The following RFX4 variants were observed in gnomAD, a reference collection of about 807,000 sequenced individuals.
RFX4 encodes regulatory factor X4.
In RFX4, 10 loss-of-function variants were observed where a neutral mutation model predicts 95.0. That is an observed-to-expected ratio of 0.11 (90% CI 0.06 to 0.18). RFX4 has a LOEUF of 0.18. Among genes scored for constraint, RFX4 ranks in the 10% least tolerant of loss-of-function variants. The pLI is 1.00. For synonymous variants in RFX4, 321 were observed against 340.7 expected (o/e 0.94, Z 0.64); for missense variants, 640 against 922.0 (o/e 0.69, Z 3.96).
At chr12:106,633,462 C>T (rs1257770788) in intron 2 of RFX4, among the ~76,000 whole-genome samples, 1 of 152,158 alleles carries the variant, frequency 6.6e-6, no homozygotes, top group East Asian at 1.9e-4. Flanking sequence ...ATGTGTAGTG[C>T]CTGGCTTAAG....
chr12:106,585,195 G>A (rs1193821165), intron 1 of RFX4, among the ~76,000 whole-genome samples: 1 of 152,216 alleles, frequency 6.6e-6, no homozygotes, highest in African/African-American at 2.4e-5. Flanking sequence ...CCTGCTGGGG[G>A]GCTTTTAGCT....
Position 106,686,998 on chromosome 12 carries a change from G to C in RFX4, c.492G>C (p.Gln164His), listed in dbSNP as rs1365153295. The stretch of plus-strand genomic sequence containing the variant: ...CGGGCAAGAAAGAAGTGAGCAAACA[G>C]ACAGTGGCATATTCACCCCGGTCCA... ...SETGKKEVSK[Q>H]TVAYSPRSKL... The change falls in exon 6 of 18, where the codon CAG (glutamine) becomes CAC (histidine). Residue 164 changes from glutamine (Q) to histidine (H), a missense_variant. Physicochemically the swap from Gln to His is conservative, Grantham distance 24. Coordinates refer to ENST00000392842, the MANE Select transcript of RFX4 (RefSeq NM_213594.3). The C allele has an allele frequency of 6.2e-7, 1 of 1,614,074 alleles. No homozygotes were observed. The highest frequency in any genetic ancestry group is 8.5e-7 in the Non-Finnish European group (1 of 1,180,006).
At chr12:106,654,474 T>C in intron 4 of RFX4, 123 bp downstream of exon 4, 4 of 1,143,952 alleles carry the variant, frequency 3.5e-6, no homozygotes, top group Non-Finnish European at 4.7e-6. Context: ...CTTTGGTACT[T>C]TGACAACTTC....
At chr12:106,652,800 G>T (rs1592899375) in intron 3 of RFX4, among the ~76,000 whole-genome samples, 1 of 152,258 alleles carries the variant, frequency 6.6e-6, no homozygotes, top group Middle Eastern at 3.4e-3. Context: ...TGGGCACCTT[G>T]GGGGGCCGTG....
chr12:106,696,163 G>T, intron 7 of RFX4, 120 bp from the exon 8 acceptor site: 1 of 1,193,772 alleles, frequency 8.4e-7, no homozygotes, highest in Non-Finnish European at 1.2e-6. Flanking sequence ...GGTGACTTCT[G>T]CTGCCGCAGG....
intron 2 of RFX4, among the ~76,000 whole-genome samples, chr12:106,620,278 C>T (rs991181268): frequency 1.8e-4 from 28 of 152,070 alleles, no homozygotes; most frequent in African/African-American, 5.1e-4. Context: ...AATATTTCAA[C>T]GTAGGTTCTA....
intron 8 of RFX4, among the ~76,000 whole-genome samples, chr12:106,704,058 A>C (rs10861650): frequency 0.38 from 45,862 of 121,636 alleles, 8,239 homozygotes; most frequent in African/African-American, 0.45. Context: ...ATAGCAAGAC[A>C]CTGTCTCAAA....
At chr12:106,662,348 C>T (rs1425343019) in intron 4 of RFX4, 2 of 163,014 alleles carry the variant, frequency 1.2e-5, no homozygotes, top group Non-Finnish European at 2.7e-5. Flanking sequence ...TATTTGCCAT[C>T]TGTATATCTC....
chr12:106,633,563 T>C (rs2040457676), intron 2 of RFX4, among the ~76,000 whole-genome samples: 1 of 152,172 alleles, frequency 6.6e-6, no homozygotes, highest in African/African-American at 2.4e-5. Flanking sequence ...AAAACATCCT[T>C]GTGACAGAAG....
At chr12:106,748,875 A>C (rs911680860) in intron 16 of RFX4, among the ~76,000 whole-genome samples, 2 of 152,138 alleles carry the variant, frequency 1.3e-5, no homozygotes, top group African/African-American at 4.8e-5. Flanking sequence ...TCACGAGGTC[A>C]GGAGATCGAA....
chr12:106,677,028 C>T (rs181230857), intron 4 of RFX4, among the ~76,000 whole-genome samples: 1 of 152,242 alleles, frequency 6.6e-6, no homozygotes, highest in African/African-American at 2.4e-5. Flanking sequence ...CTCTCTAAAC[C>T]TCACTTTACT....
intron 2 of RFX4, among the ~76,000 whole-genome samples, chr12:106,614,301 C>T (rs1245442604): frequency 6.6e-6 from 1 of 151,974 alleles, no homozygotes; most frequent in African/African-American, 2.4e-5. Flanking sequence ...GCTGGGACTA[C>T]AGGCACATGC....
At chr12:106,643,078 G>A (rs1251932393) in intron 3 of RFX4, among the ~76,000 whole-genome samples, 1 of 152,182 alleles carries the variant, frequency 6.6e-6, no homozygotes, top group Non-Finnish European at 1.5e-5. Flanking sequence ...TCAAAGCAAC[G>A]GATCCAGACC....
chr12:106,645,379 C>T (rs551066235), intron 3 of RFX4, among the ~76,000 whole-genome samples: 8 of 152,240 alleles, frequency 5.3e-5, no homozygotes, highest in African/African-American at 1.7e-4. Context: ...CCACCCTTGC[C>T]GCCCTTACCC....
At chr12:106,615,158 A>G (rs2040048775) in intron 2 of RFX4, among the ~76,000 whole-genome samples, 1 of 152,132 alleles carries the variant, frequency 6.6e-6, no homozygotes, top group South Asian at 2.1e-4. Flanking sequence ...ACTTTTGTGT[A>G]TGGTGTGAAG....
Position 106,646,678 on chromosome 12 carries a change from C to T in RFX4, c.191+7286C>T, listed in dbSNP as rs190598243. On this transcript the variant is annotated intron_variant, in intron 3 of 17. Coordinates refer to ENST00000392842, the MANE Select transcript of RFX4 (RefSeq NM_213594.3). Reference sequence around the variant, plus strand: ...CCAAACCTACAGGTTCAGCAATCACCCGTGGGATGCCAGGCTTGTCAGGTG... The same window carrying T: ...CCAAACCTACAGGTTCAGCAATCACTCGTGGGATGCCAGGCTTGTCAGGTG... Among the ~76,000 whole-genome samples the T allele has an allele frequency of 2.2e-3, 336 of 152,248 alleles. 1 individual carries two copies. Among genetic ancestry groups the T allele is most frequent in the Non-Finnish European group, 2.1e-3 (144 of 68,022 alleles).
At chr12:106,665,997 G>A (rs906448529) in intron 4 of RFX4, among the ~76,000 whole-genome samples, 4 of 151,854 alleles carry the variant, frequency 2.6e-5, no homozygotes, top group African/African-American at 9.7e-5. Flanking sequence ...GTGTAAATCT[G>A]AGTTTCTGAC....
At chr12:106,638,386 G>A (rs1381769110) in intron 2 of RFX4, among the ~76,000 whole-genome samples, 3 of 152,062 alleles carry the variant, frequency 2.0e-5, no homozygotes, top group Non-Finnish European at 4.4e-5. Context: ...TAATATTCTT[G>A]ATTTTTACTA....
Position 106,583,223 on chromosome 12 carries a change from T to TACCAACCACCCACCCAAACAA in RFX4, c.-98_-97insACCAACCACCCACCCAAACAA. ...TTCTGCGTCTCTCTCTCTCCCCTTC[T>TACCAACCACCCACCCAAACAA]CCCTCCCTCCCTCCCTTCCTCCCTG... On this transcript the variant is annotated 5_prime_UTR_variant, in exon 1 of 18. Coordinates refer to ENST00000392842, the MANE Select transcript of RFX4 (RefSeq NM_213594.3). 1 of 782,864 alleles carries TACCAACCACCCACCCAAACAA rather than the reference T, an allele frequency of 1.3e-6. No individual in the cohort carries two copies. Among genetic ancestry groups the TACCAACCACCCACCCAAACAA allele is most frequent in the Non-Finnish European group, 2.0e-6 (1 of 509,262 alleles). The allele number at this position is 782,864 out of a possible 1,614,324, so 48.5% of individuals were successfully genotyped here. A position where few individuals can be genotyped will look rare whatever the true frequency, so the allele number is the denominator to read the frequency against.
Sources: gnomAD v4.1 joint callset for allele counts (sites outside exome capture counted in the v4.1 genomes callset) on GRCh38, gnomAD v4.1.1 for gene constraint, MANE v1.5 for transcripts, NCBI Gene and HGNC (gene_info 2026-07-23, HGNC 2026-07-21) for gene names.